The following CTNND2 variants were observed in gnomAD, a reference collection of about 807,000 sequenced individuals.
CTNND2 encodes the protein catenin delta 2.
In CTNND2, 22 loss-of-function variants were observed where a neutral mutation model predicts 144.4. That is an observed-to-expected ratio of 0.15 (90% CI 0.11 to 0.22). The LOEUF (loss-of-function observed/expected upper bound fraction) is 0.22, where lower values mean the gene tolerates loss of function less well. Ranked by LOEUF, CTNND2 falls within the 10% of genes least tolerant of loss-of-function variation. The probability of loss-of-function intolerance (pLI) is 1.00; values close to 1 mark genes in which losing one functional copy is unlikely to be tolerated. For synonymous variants in CTNND2, 751 were observed against 695.6 expected (o/e 1.08, Z -1.25); for missense variants, 1,353 against 1,618.8 (o/e 0.84, Z 2.82).
intron 3 of CTNND2, among the ~76,000 whole-genome samples, chr5:11,461,053 T>A (rs1347452191): frequency 6.6e-6 from 1 of 151,174 alleles, no homozygotes; most frequent in African/African-American, 2.4e-5. Flanking sequence ...AAAAAAAAAA[T>A]TGCACTCCTC....
intron 2 of CTNND2, among the ~76,000 whole-genome samples, chr5:11,672,571 G>C (rs1195614128): frequency 6.6e-6 from 1 of 152,116 alleles, no homozygotes; most frequent in Non-Finnish European, 1.5e-5. Flanking sequence ...TGTTTACACT[G>C]TGAGGGTAAA....
chr5:11,796,143 T>C (rs912624029), intron 1 of CTNND2, among the ~76,000 whole-genome samples: 2 of 152,232 alleles, frequency 1.3e-5, no homozygotes, highest in African/African-American at 2.4e-5. Context: ...CGTGATTCTA[T>C]GTGGCCCGAG....
At chr5:11,227,959 GT>G (rs1740540981) in intron 10 of CTNND2, among the ~76,000 whole-genome samples, 1 of 152,110 alleles carries the variant, frequency 6.6e-6, no homozygotes, top group South Asian at 2.1e-4. Context: ...GAAGCAGGCT[GT>G]TTTCCCTGAC....
intron 1 of CTNND2, among the ~76,000 whole-genome samples, chr5:11,848,895 G>A (rs1794881122): frequency 6.6e-6 from 1 of 152,112 alleles, no homozygotes; most frequent in African/African-American, 2.4e-5. Flanking sequence ...TCAGGAAAAA[G>A]TACATTCTTC....
intron 13 of CTNND2, 78 bp from the exon 14 acceptor site, chr5:11,111,121 T>C (rs1752924913): frequency 7.0e-7 from 1 of 1,429,396 alleles, no homozygotes. Context: ...TGGAAAGGCC[T>C]CTTTCTCCAT....
At chr5:11,049,561 G>A (rs1356117615) in intron 16 of CTNND2, among the ~76,000 whole-genome samples, 3 of 152,152 alleles carry the variant, frequency 2.0e-5, no homozygotes, top group Non-Finnish European at 4.4e-5. Flanking sequence ...ACCCTGGCAA[G>A]CCTGCGAGTT....
chr5:11,624,933 G>A (rs904053931), intron 2 of CTNND2, among the ~76,000 whole-genome samples: 1 of 151,780 alleles, frequency 6.6e-6, no homozygotes, highest in African/African-American at 2.4e-5. Context: ...TGTAACTTGT[G>A]GTTTATATTT....
chr5:11,409,099 C>A (rs1467669363), intron 5 of CTNND2, among the ~76,000 whole-genome samples: 2 of 151,974 alleles, frequency 1.3e-5, no homozygotes, highest in South Asian at 2.1e-4. Context: ...TTCCCCCATA[C>A]TTCTGTTTTT....
chr5:11,073,604 T>C (rs1748585049), intron 16 of CTNND2, among the ~76,000 whole-genome samples: 1 of 152,228 alleles, frequency 6.6e-6, no homozygotes, highest in African/African-American at 2.4e-5. Flanking sequence ...TTTTAAGGAA[T>C]TCTTATCTTC....
intron 11 of CTNND2, among the ~76,000 whole-genome samples, chr5:11,177,422 A>G (rs1760584679): frequency 6.6e-6 from 1 of 152,188 alleles, no homozygotes; most frequent in Admixed American, 6.5e-5. Context: ...CATTGTTCTT[A>G]GACAGAAAGA....
In CTNND2 at chr5:11,718,589, TA is replaced by T; in HGVS notation, c.174+13546del. Among the ~76,000 whole-genome samples the T allele has an allele frequency of 2.0e-5, 3 of 151,952 alleles. No individual in the cohort carries two copies. In the South Asian group the frequency reaches 6.3e-4, roughly 32 times the overall value. ...GTCACAGCAACAAAAATGACCTGAT[TA>T]TCAAGAGTTCTAACACATTTTCTTT... is the stretch of plus-strand genomic sequence containing the variant. On this transcript the variant is annotated intron_variant, in intron 2 of 21. Transcript: ENST00000304623.
chr5:11,838,144 C>T (rs543863946), intron 1 of CTNND2, among the ~76,000 whole-genome samples: 2 of 152,248 alleles, frequency 1.3e-5, no homozygotes, highest in African/African-American at 4.8e-5. Flanking sequence ...ATAAAACATG[C>T]CCTTCCCAAC....
intron 2 of CTNND2, among the ~76,000 whole-genome samples, chr5:11,667,144 A>G (rs1413370647): frequency 1.3e-5 from 2 of 151,940 alleles, no homozygotes; most frequent in African/African-American, 2.4e-5. Context: ...TATGTGCCAC[A>G]TTTTCTTTGT....
Position 11,675,517 on chromosome 5 carries a change from T to A in CTNND2, c.174+56619A>T, listed in dbSNP as rs757697698. 4.1e-4 allele frequency among the ~76,000 whole-genome samples: 62 copies of A among 152,240 alleles called. 1 individual carries two copies. Among genetic ancestry groups the A allele is most frequent in the Non-Finnish European group, 7.4e-4 (50 of 68,006 alleles). ...CAGAACCCCATCTTCTCTCACCACCTCTGTGTAACCTGACCCCCCTCCAAT... is the reference window on the plus strand; with the variant it reads ...CAGAACCCCATCTTCTCTCACCACCACTGTGTAACCTGACCCCCCTCCAAT... On this transcript the variant is annotated intron_variant, in intron 2 of 21. Transcript: ENST00000304623.
At chr5:11,262,478 G>C (rs1744962535) in intron 9 of CTNND2, among the ~76,000 whole-genome samples, 2 of 152,068 alleles carry the variant, frequency 1.3e-5, no homozygotes, top group South Asian at 4.2e-4. Flanking sequence ...AACTAAATGT[G>C]TTGGCCGGGC....
chr5:11,422,942 G>A (rs192192281), intron 3 of CTNND2, among the ~76,000 whole-genome samples: 17 of 152,196 alleles, frequency 1.1e-4, no homozygotes, highest in Non-Finnish European at 2.2e-4. Context: ...TAGTATTCCC[G>A]GAAGCTTCTC....
intron 1 of CTNND2, among the ~76,000 whole-genome samples, chr5:11,801,145 T>A (rs762737031): frequency 6.6e-6 from 1 of 152,254 alleles, no homozygotes; most frequent in Non-Finnish European, 1.5e-5. Flanking sequence ...TTTGTCGTTG[T>A]TGTTCTGTGA....
chr5:11,718,670 C>A (rs1234205809), intron 2 of CTNND2, among the ~76,000 whole-genome samples: 1 of 151,934 alleles, frequency 6.6e-6, no homozygotes, highest in African/African-American at 2.4e-5. Context: ...CATCTTCTCC[C>A]AGAACACTGA....
At chr5:11,367,358 G>A (rs566348264) in intron 7 of CTNND2, among the ~76,000 whole-genome samples, 2 of 152,274 alleles carry the variant, frequency 1.3e-5, no homozygotes, top group South Asian at 2.1e-4. Context: ...TCAACCGCCC[G>A]TGTTCAAGAA....
Sources: allele counts gnomAD v4.1 joint callset (sites outside exome capture counted in the v4.1 genomes callset), GRCh38; gene constraint gnomAD v4.1.1; transcripts MANE v1.5; gene names NCBI Gene and HGNC (gene_info 2026-07-23, HGNC 2026-07-21).